PCED1B: variants seen among roughly 807,000 people sequenced by gnomAD.
PCED1B encodes PC-esterase domain containing 1B, also known as PC-esterase domain-containing protein 1B.
For missense variants in PCED1B, 573 were observed against 573.9 expected (o/e 1.00, Z 0.02); for synonymous variants, 251 against 246.1 (o/e 1.02, Z -0.19).
At chr12:47,165,999 G>A (rs573654600) in intron 2 of PCED1B, among the ~76,000 whole-genome samples, 1 of 152,162 alleles carries the variant, frequency 6.6e-6, no homozygotes, top group South Asian at 2.1e-4. Context: ...AAATGATTTT[G>A]TCATGCCCAC....
At chr12:47,173,402 C>A (rs778617115) in intron 2 of PCED1B, among the ~76,000 whole-genome samples, 25 of 152,002 alleles carry the variant, frequency 1.6e-4, no homozygotes, top group Non-Finnish European at 2.2e-4. Context: ...TAGAAGCGCC[C>A]GCCACCACGC....
At chr12:47,220,843 G>A (rs1943455023) in intron 3 of PCED1B, among the ~76,000 whole-genome samples, 2 of 152,104 alleles carry the variant, frequency 1.3e-5, no homozygotes, top group South Asian at 4.1e-4. Context: ...TCTTAATGAA[G>A]GAGCAGAATT....
At chr12:47,222,132 A>C (rs955321128) in intron 3 of PCED1B, among the ~76,000 whole-genome samples, 4 of 145,014 alleles carry the variant, frequency 2.8e-5, no homozygotes, top group African/African-American at 5.1e-5. Flanking sequence ...AAAAAAAAAA[A>C]AAAACGCCCG....
Position 47,235,338 on chromosome 12 carries a change from A to G in PCED1B, c.275A>G (p.Tyr92Cys), listed in dbSNP as rs1318675096. ...FRSDHHLVRF[Y>C]FLTRVYSDYL... ...TCCGACCACCATCTGGTACGTTTTTACTTCCTCACCCGCGTGTACTCCGAT... is the reference window on the plus strand; with the variant it reads ...TCCGACCACCATCTGGTACGTTTTTGCTTCCTCACCCGCGTGTACTCCGAT... Residue 92 changes from tyrosine to cysteine, a missense_variant, in exon 4 of 4, where the codon TAC becomes TGC. Coordinates refer to ENST00000546455, the MANE Select transcript of PCED1B (RefSeq NM_138371.3). 2 of 1,613,918 alleles carry G rather than the reference A, an allele frequency of 1.2e-6. No homozygotes were observed. Among genetic ancestry groups the G allele is most frequent in the East Asian group, 2.2e-5 (1 of 44,870 alleles).
intron 2 of PCED1B, among the ~76,000 whole-genome samples, chr12:47,194,011 G>A (rs1407522446): frequency 6.6e-6 from 1 of 152,136 alleles, no homozygotes; most frequent in Non-Finnish European, 1.5e-5. Context: ...TGCTCTTGCT[G>A]TGCTTTTGCT....
chr12:47,123,031 C>T (rs909008712), intron 2 of PCED1B, among the ~76,000 whole-genome samples: 1 of 152,076 alleles, frequency 6.6e-6, no homozygotes, highest in Non-Finnish European at 1.5e-5. Context: ...AGAAAATAAG[C>T]CTTTTAGGTT....
intron 2 of PCED1B, among the ~76,000 whole-genome samples, chr12:47,214,555 C>T (rs968099207): frequency 2.0e-5 from 3 of 151,954 alleles, no homozygotes; most frequent in African/African-American, 7.3e-5. Context: ...TGCCTGTGAT[C>T]CCAGCACTTT....
chr12:47,225,866 A>T (rs986332089), intron 3 of PCED1B, among the ~76,000 whole-genome samples: 1 of 152,222 alleles, frequency 6.6e-6, no homozygotes, highest in Non-Finnish European at 1.5e-5. Context: ...ATTTCAGTGT[A>T]CCTCTTCTTG....
chr12:47,151,222 A>G (rs1940982255), intron 2 of PCED1B, among the ~76,000 whole-genome samples: 1 of 152,094 alleles, frequency 6.6e-6, no homozygotes, highest in African/African-American at 2.4e-5. Context: ...GACTGTATAT[A>G]CAACAGTGAT....
At chr12:47,089,459 TACATA>T (rs1329391648) in intron 1 of PCED1B, among the ~76,000 whole-genome samples, 2 of 58,946 alleles carry the variant, frequency 3.4e-5, no homozygotes, top group African/African-American at 2.2e-4. Context: ...AAAAAAAAAA[TACATA>T]TATATATATA....
At chr12:47,182,286 G>C (rs745868010) in intron 2 of PCED1B, among the ~76,000 whole-genome samples, 4 of 152,134 alleles carry the variant, frequency 2.6e-5, no homozygotes, top group Non-Finnish European at 5.9e-5. Flanking sequence ...ACAGTATTGA[G>C]AGAGCTAGAG....
intron 2 of PCED1B, among the ~76,000 whole-genome samples, chr12:47,201,546 A>G (rs763050782): frequency 6.6e-6 from 1 of 152,160 alleles, no homozygotes; most frequent in African/African-American, 2.4e-5. Context: ...GTTGGGCGTT[A>G]CAATACTGCC....
intron 2 of PCED1B, among the ~76,000 whole-genome samples, chr12:47,118,422 TC>T (rs1169582215): frequency 6.6e-6 from 1 of 152,226 alleles, no homozygotes; most frequent in Non-Finnish European, 1.5e-5. Context: ...TAGCCAGTTT[TC>T]CCAGCACCAT....
intron 2 of PCED1B, among the ~76,000 whole-genome samples, chr12:47,142,108 G>A (rs1940616580): frequency 6.6e-6 from 1 of 152,136 alleles, no homozygotes; most frequent in Admixed American, 6.5e-5. Flanking sequence ...CCCTGAAGTG[G>A]ACCCTTGTCC....
At chr12:47,098,209 C>T (rs1358275063) in intron 1 of PCED1B, among the ~76,000 whole-genome samples, 1 of 152,166 alleles carries the variant, frequency 6.6e-6, no homozygotes, top group African/African-American at 2.4e-5. Context: ...CAGGGGTAGA[C>T]TCGTGGACCA....
intron 1 of PCED1B, among the ~76,000 whole-genome samples, 180 bp from the exon 2 acceptor site, chr12:47,103,933 G>C (rs1272555011): frequency 6.6e-6 from 1 of 152,204 alleles, no homozygotes; most frequent in Non-Finnish European, 1.5e-5. Context: ...GATGGCCCCT[G>C]TGCATCCAGA....
intron 2 of PCED1B, among the ~76,000 whole-genome samples, chr12:47,165,076 A>T (rs2137523916): frequency 6.6e-6 from 1 of 152,176 alleles, no homozygotes; most frequent in Admixed American, 6.5e-5. Flanking sequence ...TGAGAGTTTT[A>T]CCCTGGAGGG....
chr12:47,145,070 A>G (rs1048923850), intron 2 of PCED1B, among the ~76,000 whole-genome samples: 1 of 152,244 alleles, frequency 6.6e-6, no homozygotes, highest in Non-Finnish European at 1.5e-5. Context: ...AAGCAAATTA[A>G]AAGTGCTACT....
intron 2 of PCED1B, among the ~76,000 whole-genome samples, chr12:47,164,832 C>G (rs1203249340): frequency 6.6e-6 from 1 of 152,210 alleles, no homozygotes; most frequent in East Asian, 1.9e-4. Flanking sequence ...TGGCTTGTAT[C>G]CTTTGAAGCA....
Sources: allele counts gnomAD v4.1 joint callset (sites outside exome capture counted in the v4.1 genomes callset), GRCh38; gene constraint gnomAD v4.1.1; transcripts MANE v1.5; gene names NCBI Gene and HGNC (gene_info 2026-07-23, HGNC 2026-07-21).